Variants in VSX2 observed in about 807,000 individuals in gnomAD.
VSX2 encodes the protein visual system homeobox 2, also known as ceh-10 homeo domain containing homolog.
In VSX2, 28 loss-of-function variants were observed where a neutral mutation model predicts 32.1. The observed-to-expected ratio is 0.87, with a 90% CI of 0.65 to 1.20. VSX2 has a LOEUF of 1.20. VSX2 is among the 50% of genes most tolerant of loss of function. The pLI is 0.00. For missense variants in VSX2, 506 were observed against 488.7 expected (o/e 1.04, Z -0.33); for synonymous variants, 243 against 214.1 (o/e 1.14, Z -1.18).
intron 2 of VSX2, among the ~76,000 whole-genome samples, chr14:74,244,928 GTGAA>G (rs1479189195): frequency 9.0e-4 from 96 of 107,078 alleles, no homozygotes; most frequent in Non-Finnish European, 1.1e-3. Flanking sequence ...GTGTGTGTGT[GTGAA>G]AGAGAGAGAG....
chr14:74,245,047 C>T, intron 2 of VSX2, 118 bp from the exon 3 acceptor site: 1 of 1,295,026 alleles, frequency 7.7e-7, no homozygotes, highest in Non-Finnish European at 1.1e-6. Flanking sequence ...TCCTATTGTG[C>T]TGAGCCAGCC....
At position 74,239,830 on chromosome 14, in the gene VSX2, A is replaced by T. The variant is rs190729581; in HGVS notation, c.269A>T (p.Gln90Leu). ...GPGGLPGFYT[Q>L]PTFLEVLSDP... ...GGGGGGCTCCCTGGCTTCTACACGC[A>T]GCCCACCTTCCTGGAAGTGCTGTCC... is the stretch of plus-strand genomic sequence containing the variant. The change falls in exon 1 of 5, where the codon CAG becomes CTG. Residue 90 changes from glutamine (Q) to leucine (L), a missense_variant. Transcript: ENST00000261980. 6.3e-7 allele frequency: 1 copy of T among 1,576,734 alleles called. No individual in the cohort carries two copies. Among genetic ancestry groups the T allele is most frequent in the African/African-American group, 1.3e-5 (1 of 74,516 alleles).
At chr14:74,245,885 T>C (rs1358378153) in intron 3 of VSX2, among the ~76,000 whole-genome samples, 1 of 152,210 alleles carries the variant, frequency 6.6e-6, no homozygotes, top group African/African-American at 2.4e-5. Context: ...GCCTAGGATG[T>C]GAGCTGGGGC....
Position 74,262,602 on chromosome 14 carries a change from A to G in VSX2, c.*1683A>G, listed in dbSNP as rs887454703. 1.3e-5 allele frequency: 2 copies of G among 152,210 alleles called. No homozygotes were observed. The highest frequency in any genetic ancestry group is 2.9e-5 in the Non-Finnish European group (2 of 68,040). 9.4% of individuals were successfully genotyped at this position (152,210 alleles called of 1,614,324 possible). A position where few individuals can be genotyped will look rare whatever the true frequency, so the allele number is the denominator to read the frequency against. ...AGCCCCTGGTGTGTAAATAATGTACATAGAGTGAGAAGAAAGAAACTTGAT... is the reference window on the plus strand; with the variant it reads ...AGCCCCTGGTGTGTAAATAATGTACGTAGAGTGAGAAGAAAGAAACTTGAT... On this transcript the variant is annotated 3_prime_UTR_variant, in exon 5 of 5. Coordinates refer to ENST00000261980, the MANE Select transcript of VSX2 (RefSeq NM_182894.3).
chr14:74,254,032 G>T (rs1247864850), intron 3 of VSX2, among the ~76,000 whole-genome samples: 2 of 152,242 alleles, frequency 1.3e-5, no homozygotes, highest in African/African-American at 4.8e-5. Context: ...TCTAGCTGCT[G>T]CACCACAGTC....
At position 74,239,929 on chromosome 14, in the gene VSX2, C is replaced by G. The variant is rs757242912; in HGVS notation, c.368C>G (p.Ser123Trp). ...GPLDTSQTAS[S>W]DSEDVSSSDR... ...CTGGACACCAGCCAGACGGCCAGCT[C>G]GGGTAGGTGAGGAGAGGTTGCGCTG... Residue 123 changes from serine (S) to tryptophan (W), a missense_variant and splice_region_variant, in exon 1 of 5, where the codon TCG (serine) becomes TGG (tryptophan). By Grantham distance (177) the Ser-to-Trp change is radical. Coordinates refer to ENST00000261980, the MANE Select transcript of VSX2 (RefSeq NM_182894.3). 10 of 1,563,130 alleles carry G rather than the reference C, an allele frequency of 6.4e-6. No homozygotes were observed. Among genetic ancestry groups the G allele is most frequent in the Non-Finnish European group, 8.7e-6 (10 of 1,154,856 alleles).
chr14:74,259,628 G>A lies in VSX2; in HGVS notation c.606G>A (p.Lys202=), dbSNP rs772078566. 3.7e-6 allele frequency: 6 copies of A among 1,614,206 alleles called. No homozygotes were observed. The highest frequency in any genetic ancestry group is 3.3e-4 in the Middle Eastern group (2 of 6,062). The change falls in exon 4 of 5, where the codon AAG becomes AAA. Residue 202 remains lysine (K), a synonymous_variant. Transcript: ENST00000261980. ...TCTGGTTCCAGAACCGTCGAGCCAA[G>A]TGGAGGAAGCGGGAGAAGTGCTGGG... ...IQVWFQNRRA[K]WRKREKCWGR...
intron 3 of VSX2, among the ~76,000 whole-genome samples, chr14:74,254,784 A>ATTTTTTTTTTTTTTTTTTTTTT (rs537753574): frequency 0.025 from 2,907 of 116,106 alleles, 438 homozygotes; most frequent in Non-Finnish European, 0.038. Flanking sequence ...CGAAAAGTGG[A>ATTTTTTTTTTTTTTTTTTTTTT]TTTTTTTTTT....
intron 3 of VSX2, among the ~76,000 whole-genome samples, chr14:74,247,800 TA>T (rs34470396): frequency 6.0e-4 from 87 of 145,542 alleles, no homozygotes; most frequent in African/African-American, 1.3e-3. Context: ...AGGCACTGTT[TA>T]AAAAAAAAAA....
At position 74,260,753 on chromosome 14, in the gene VSX2, C is replaced by T. The variant is rs181704375; in HGVS notation, c.920C>T (p.Ala307Val). The change falls in exon 5 of 5, where the codon GCG becomes GTG. Residue 307 changes from alanine (A) to valine (V), a missense_variant. Physicochemically the swap from Ala to Val is moderately conservative, Grantham distance 64. Transcript: ENST00000261980. ...GAGGAACTGAGGGAGAACAGCATTG[C>T]GGTGCTCCGGGCCAAAGCTCAGGAG... ...SQEELRENSI[A>V]VLRAKAQEHS... 2.3e-5 allele frequency: 37 copies of T among 1,589,478 alleles called. No homozygotes were observed. Among genetic ancestry groups the T allele is most frequent in the East Asian group, 9.1e-5 (4 of 43,878 alleles).
intron 3 of VSX2, among the ~76,000 whole-genome samples, chr14:74,251,432 A>C (rs1044556113): frequency 6.6e-6 from 1 of 152,212 alleles, no homozygotes; most frequent in Non-Finnish European, 1.5e-5. Flanking sequence ...CCTGGGCAAC[A>C]AGAGCGAAAC....
intron 3 of VSX2, among the ~76,000 whole-genome samples, chr14:74,247,839 A>C (rs1225619591): frequency 1.3e-5 from 2 of 152,066 alleles, no homozygotes; most frequent in African/African-American, 2.4e-5. Context: ...TTATATAACA[A>C]AATTATTTTT....
chr14:74,245,239 C>T lies in VSX2; in HGVS notation c.530C>T (p.Ala177Val). Reference sequence around the variant, plus strand: ...GAAGCCCACTACCCAGACGTCTATGCCCGGGAGATGCTGGCCATGAAAACG... The same window carrying T: ...GAAGCCCACTACCCAGACGTCTATGTCCGGGAGATGCTGGCCATGAAAACG... ...FNEAHYPDVY[A>V]REMLAMKTEL... Residue 177 changes from alanine to valine, a missense_variant, in exon 3 of 5, where the codon GCC becomes GTC. Transcript: ENST00000261980. 1 of 1,613,648 alleles carries T rather than the reference C, an allele frequency of 6.2e-7. No individual in the cohort carries two copies. The highest frequency in any genetic ancestry group is 8.5e-7 in the Non-Finnish European group (1 of 1,179,942).
rs12589560 is a variant in VSX2, at chr14:74,247,724, T to C, written c.579+2436T>C. On this transcript the variant is annotated intron_variant, in intron 3 of 4. Coordinates refer to ENST00000261980, the MANE Select transcript of VSX2 (RefSeq NM_182894.3). ...GCTTTGACTTGAAGCTGGGGGAGCA[T>C]AGGTGATTTGAAGTCAGGCGGGGGA... is the stretch of plus-strand genomic sequence containing the variant. Among the ~76,000 whole-genome samples, 304 of 151,926 alleles carry C rather than the reference T, an allele frequency of 2.0e-3. 12 individuals carry two copies. In the East Asian group the frequency reaches 0.053, roughly 27 times the overall value.
chr14:74,241,692 G>A (rs188398685), intron 2 of VSX2, among the ~76,000 whole-genome samples: 94 of 152,270 alleles, frequency 6.2e-4, no homozygotes, highest in African/African-American at 2.1e-3. Flanking sequence ...TCTCTCCCGG[G>A]GTCCCTGTCC....
chr14:74,250,408 AT>A (rs948467757), intron 3 of VSX2, among the ~76,000 whole-genome samples: 19 of 151,516 alleles, frequency 1.3e-4, no homozygotes, highest in East Asian at 3.9e-4. Context: ...TCATGTGTTT[AT>A]TTTTTTTTCT....
intron 3 of VSX2, among the ~76,000 whole-genome samples, chr14:74,246,296 T>A (rs1369162738): frequency 6.6e-6 from 1 of 152,164 alleles, no homozygotes; most frequent in Non-Finnish European, 1.5e-5. Flanking sequence ...TCCTCCCCAG[T>A]CTAGGTTCCT....
At chr14:74,259,481 A>T in intron 3 of VSX2, 121 bp from the exon 4 acceptor site, 2 of 1,112,604 alleles carry the variant, frequency 1.8e-6, no homozygotes, top group Non-Finnish European at 2.7e-6. Context: ...ACCATGGAGT[A>T]GGCGAGCTTA....
chr14:74,248,352 C>CAAAA (rs1272271068), intron 3 of VSX2, among the ~76,000 whole-genome samples: 920 of 76,854 alleles, frequency 0.012, 17 homozygotes, highest in African/African-American at 0.036. Flanking sequence ...AAAAAAAAAA[C>CAAAA]AAAAAAAACC....
Sources: gnomAD v4.1 joint callset for allele counts (sites outside exome capture counted in the v4.1 genomes callset) on GRCh38, gnomAD v4.1.1 for gene constraint, MANE v1.5 for transcripts, NCBI Gene and HGNC (gene_info 2026-07-23, HGNC 2026-07-21) for gene names.